INPP5D: variants seen among roughly 807,000 people sequenced by gnomAD.
The protein encoded by INPP5D is inositol polyphosphate-5-phosphatase D.
In INPP5D, 33 loss-of-function variants were observed where a neutral mutation model predicts 122.9. The observed-to-expected ratio is 0.27, with a 90% CI of 0.20 to 0.36. The LOEUF (loss-of-function observed/expected upper bound fraction) is 0.36. Among genes scored for constraint, INPP5D ranks in the 10% least tolerant of loss-of-function variants. INPP5D has a pLI of 1.00. For missense variants in INPP5D, 1,053 were observed against 1,412.7 expected (o/e 0.75, Z 4.08); for synonymous variants, 584 against 576.2 (o/e 1.01, Z -0.19).
At chr2:233,152,846 A>G (rs866907314) in intron 9 of INPP5D, among the ~76,000 whole-genome samples, 3 of 137,626 alleles carry the variant, frequency 2.2e-5, no homozygotes, top group African/African-American at 8.5e-5. Flanking sequence ...GCAAGCCACT[A>G]TTAGGAGGTT....
chr2:233,111,969 T>C (rs1203651436), intron 2 of INPP5D, among the ~76,000 whole-genome samples: 1 of 150,190 alleles, frequency 6.7e-6, no homozygotes, highest in East Asian at 2.0e-4. Flanking sequence ...GGGGCTGAGG[T>C]GTGAGGATCG....
At chr2:233,119,789 C>G (rs1275352816) in intron 2 of INPP5D, among the ~76,000 whole-genome samples, 1 of 152,200 alleles carries the variant, frequency 6.6e-6, no homozygotes, top group Non-Finnish European at 1.5e-5. Flanking sequence ...CACCCAGGCA[C>G]AAGGGCTCGG....
intron 2 of INPP5D, among the ~76,000 whole-genome samples, chr2:233,103,036 G>C (rs1692363965): frequency 6.6e-6 from 1 of 152,052 alleles, no homozygotes; most frequent in African/African-American, 2.4e-5. Context: ...GTTGTCTTGG[G>C]TGCATGCATT....
chr2:233,073,175 G>A (rs1691426307), intron 1 of INPP5D, among the ~76,000 whole-genome samples: 1 of 152,234 alleles, frequency 6.6e-6, no homozygotes, highest in Admixed American at 6.5e-5. Flanking sequence ...AAAGGGTAGA[G>A]AGTGGGTCTC....
intron 4 of INPP5D, among the ~76,000 whole-genome samples, chr2:233,127,245 A>G (rs1009157007): frequency 2.0e-5 from 3 of 152,110 alleles, no homozygotes; most frequent in Non-Finnish European, 4.4e-5. Flanking sequence ...TGCTTTTTCT[A>G]TCTTTGCTTA....
At chr2:233,185,748 C>G in intron 20 of INPP5D, 95 bp from the exon 21 acceptor site, 1 of 901,362 alleles carries the variant, frequency 1.1e-6, no homozygotes, top group Non-Finnish European at 1.5e-6. Context: ...GGAGAGAGCA[C>G]ATCTTCCTAG....
chr2:233,148,165 T>A (rs1693819022), intron 9 of INPP5D, among the ~76,000 whole-genome samples: 2 of 152,174 alleles, frequency 1.3e-5, no homozygotes, highest in South Asian at 4.1e-4. Context: ...GAAGCTGCAG[T>A]GGGGCAAGAC....
At chr2:233,062,724 G>C (rs1559267348) in intron 1 of INPP5D, among the ~76,000 whole-genome samples, 1 of 152,158 alleles carries the variant, frequency 6.6e-6, no homozygotes, top group African/African-American at 2.4e-5. Context: ...CCTGGGCTCA[G>C]TGTTTCCCTT....
intron 17 of INPP5D, among the ~76,000 whole-genome samples, chr2:233,176,769 T>C (rs968831304): frequency 2.0e-5 from 3 of 149,634 alleles, no homozygotes; most frequent in South Asian, 2.1e-4. Context: ...GGTAGATAAG[T>C]GGATGGGTGG....
At position 233,087,333 on chromosome 2, in the gene INPP5D, A is replaced by T. The variant is rs920133272; in HGVS notation, c.198+7935A>T. Among the ~76,000 whole-genome samples the T allele has an allele frequency of 4.4e-4, 65 of 148,404 alleles. 1 individual carries two copies. Among genetic ancestry groups the T allele is most frequent in the Admixed American group, 1.1e-3 (16 of 15,134 alleles). On this transcript the variant is annotated intron_variant, in intron 2 of 26. Coordinates refer to ENST00000445964, the MANE Select transcript of INPP5D (RefSeq NM_001017915.3). Reference sequence around the variant, plus strand: ...TTATATTATATTTATTTATTTATTTATTTTTTTGAGACGGAGTCTCACTCT... The same window carrying T: ...TTATATTATATTTATTTATTTATTTTTTTTTTTGAGACGGAGTCTCACTCT...
intron 2 of INPP5D, among the ~76,000 whole-genome samples, chr2:233,102,120 A>G (rs1692331609): frequency 6.6e-6 from 1 of 152,216 alleles, no homozygotes; most frequent in South Asian, 2.1e-4. Context: ...TCAGAGAGTT[A>G]GATACTGTAC....
intron 1 of INPP5D, among the ~76,000 whole-genome samples, chr2:233,063,460 G>A (rs1251315816): frequency 6.6e-6 from 1 of 152,222 alleles, no homozygotes; most frequent in Non-Finnish European, 1.5e-5. Flanking sequence ...CACCAGGGAG[G>A]GGCCTTTGTG....
intron 1 of INPP5D, among the ~76,000 whole-genome samples, chr2:233,064,058 G>T (rs1691145833): frequency 6.6e-6 from 1 of 152,390 alleles, no homozygotes; most frequent in African/African-American, 2.4e-5. Flanking sequence ...GGCCGAGCCG[G>T]CATCCCCTTG....
At chr2:233,175,686 G>GCT (rs1694604217) in intron 17 of INPP5D, among the ~76,000 whole-genome samples, 2 of 144,246 alleles carry the variant, frequency 1.4e-5, no homozygotes, top group Non-Finnish European at 1.5e-5. Context: ...AAAAACTTTT[G>GCT]TTTTTTTTTT....
chr2:233,157,880 T>C (rs1420295888), intron 9 of INPP5D, among the ~76,000 whole-genome samples: 1 of 90,784 alleles, frequency 1.1e-5, no homozygotes, highest in African/African-American at 6.0e-5. Flanking sequence ...AAAAACCTTA[T>C]AGAACAACTT....
intron 5 of INPP5D, among the ~76,000 whole-genome samples, chr2:233,139,072 T>C (rs1400305318): frequency 6.6e-6 from 1 of 152,102 alleles, no homozygotes; most frequent in Non-Finnish European, 1.5e-5. Context: ...CCTTTATTCA[T>C]ATAACAAAGA....
intron 2 of INPP5D, among the ~76,000 whole-genome samples, chr2:233,086,186 T>TTTCTTTCC (rs1559282393): frequency 6.9e-6 from 1 of 143,964 alleles, no homozygotes; most frequent in South Asian, 2.2e-4. Context: ...TCTTTCTTTC[T>TTTCTTTCC]TTCCTTTTTG....
intron 2 of INPP5D, among the ~76,000 whole-genome samples, chr2:233,110,934 A>C (rs374624197): frequency 0.011 from 1,431 of 126,172 alleles, 18 homozygotes; most frequent in African/African-American, 0.037. Context: ...CTTAAAAAAA[A>C]AACAACAAAA....
intron 8 of INPP5D, 41 bp from the exon 9 acceptor site, chr2:233,147,430 A>G (rs1693794663): frequency 2.9e-6 from 2 of 700,922 alleles, no homozygotes; most frequent in East Asian, 5.4e-5. Flanking sequence ...GCAAAAGCCC[A>G]GGCAGAAAAT....
Sources: allele counts gnomAD v4.1 joint callset (sites outside exome capture counted in the v4.1 genomes callset), GRCh38; gene constraint gnomAD v4.1.1; transcripts MANE v1.5; gene names NCBI Gene and HGNC (gene_info 2026-07-23, HGNC 2026-07-21).